The following CYTH3 variants were observed in gnomAD, a reference collection of about 807,000 sequenced individuals.
CYTH3 encodes the protein cytohesin-3.
In CYTH3, 23 loss-of-function variants were observed where a neutral mutation model predicts 55.1. The observed-to-expected ratio is 0.42, with a 90% CI of 0.30 to 0.59. The LOEUF is 0.59. Among genes scored for constraint, CYTH3 ranks in the 20% least tolerant of loss-of-function variants. The pLI is 0.20. For missense variants in CYTH3, 413 were observed against 524.8 expected (o/e 0.79, Z 2.08); for synonymous variants, 249 against 194.9 (o/e 1.28, Z -2.31).
intron 1 of CYTH3, among the ~76,000 whole-genome samples, chr7:6,271,585 AG>A (rs1780659240): frequency 6.6e-6 from 1 of 152,124 alleles, no homozygotes; most frequent in African/African-American, 2.4e-5. Flanking sequence ...CTCCATACAG[AG>A]GCACGTTCCT....
Position 6,186,638 on chromosome 7 carries a change from G to A in CYTH3, c.249+412C>T, listed in dbSNP as rs564333917. On this transcript the variant is annotated intron_variant, in intron 4 of 12. Transcript: ENST00000350796. ...TTAACCCACCCAGATTATAAAGTCC[G>A]TAACCTCTGGACACCAGGGTTCCAC... 3.2e-4 allele frequency among the ~76,000 whole-genome samples: 49 copies of A among 152,236 alleles called. 1 individual carries two copies. In the Middle Eastern group the frequency reaches 0.024, roughly 74 times the overall value.
chr7:6,236,248 G>A (rs1464603845), intron 1 of CYTH3, among the ~76,000 whole-genome samples: 1 of 151,984 alleles, frequency 6.6e-6, no homozygotes, highest in Non-Finnish European at 1.5e-5. Flanking sequence ...TTGTTGCCCA[G>A]GCTGGAGTAC....
intron 1 of CYTH3, among the ~76,000 whole-genome samples, chr7:6,216,585 C>A (rs930031573): frequency 1.3e-5 from 2 of 151,234 alleles, no homozygotes; most frequent in African/African-American, 4.9e-5. Flanking sequence ...CAAAAAAAAT[C>A]AAAAAATTAG....
At chr7:6,196,604 C>T (rs1346822291) in intron 1 of CYTH3, among the ~76,000 whole-genome samples, 2 of 151,932 alleles carry the variant, frequency 1.3e-5, no homozygotes, top group Non-Finnish European at 2.9e-5. Flanking sequence ...GGATTATAGG[C>T]ACGCACCACC....
intron 9 of CYTH3, among the ~76,000 whole-genome samples, chr7:6,168,291 ACG>A (rs1456404675): frequency 6.9e-6 from 1 of 144,356 alleles, no homozygotes; most frequent in Non-Finnish European, 1.5e-5. Flanking sequence ...ATCGTAAGCC[ACG>A]CCTGTGTACA....
chr7:6,252,173 T>C (rs563674620), intron 1 of CYTH3, among the ~76,000 whole-genome samples: 1 of 152,326 alleles, frequency 6.6e-6, no homozygotes, highest in African/African-American at 2.4e-5. Flanking sequence ...GGTAAATGCA[T>C]AAATTTGAGT....
Position 6,162,868 on chromosome 7 carries a change from C to T in CYTH3, c.*2076G>A, listed in dbSNP as rs1782877846. On this transcript the variant is annotated 3_prime_UTR_variant, in exon 13 of 13. Coordinates refer to ENST00000350796, the MANE Select transcript of CYTH3 (RefSeq NM_004227.4). ...AAGGAAACAGCTTGTCCGAGCACAA[C>T]ATGCTGACAGAGCTGGCTGTGGCCA... 1 of 152,708 alleles carries T rather than the reference C, an allele frequency of 6.5e-6. No homozygotes were observed. Among genetic ancestry groups the T allele is most frequent in the African/African-American group, 2.4e-5 (1 of 41,468 alleles). 9.5% of individuals were successfully genotyped at this position (152,708 alleles called of 1,614,324 possible). A position where few individuals can be genotyped will look rare whatever the true frequency, so the allele number is the denominator to read the frequency against.
chr7:6,230,133 T>C (rs891670288), intron 1 of CYTH3, among the ~76,000 whole-genome samples: 18 of 152,126 alleles, frequency 1.2e-4, no homozygotes, highest in African/African-American at 4.3e-4. Context: ...AGACTACATG[T>C]CAAAAATAAA....
chr7:6,267,802 G>C (rs559574507), intron 1 of CYTH3, among the ~76,000 whole-genome samples: 2 of 152,268 alleles, frequency 1.3e-5, no homozygotes, highest in South Asian at 2.1e-4. Flanking sequence ...GATTACAGGC[G>C]TGAGCCATTG....
At chr7:6,263,318 C>G (rs994079499) in intron 1 of CYTH3, among the ~76,000 whole-genome samples, 4 of 152,192 alleles carry the variant, frequency 2.6e-5, no homozygotes, top group Admixed American at 6.5e-5. Context: ...TGGGAAATCA[C>G]ACTACTCACA....
intron 5 of CYTH3, among the ~76,000 whole-genome samples, chr7:6,176,792 G>A (rs535770098): frequency 6.6e-6 from 1 of 152,140 alleles, no homozygotes; most frequent in African/African-American, 2.4e-5. Flanking sequence ...TCCTTGTCTC[G>A]TTCCTGATCT....
chr7:6,216,154 T>C (rs1784418949), intron 1 of CYTH3, among the ~76,000 whole-genome samples: 1 of 152,184 alleles, frequency 6.6e-6, no homozygotes, highest in South Asian at 2.1e-4. Flanking sequence ...AAACTTTCCT[T>C]CTCCTCTTGG....
chr7:6,166,360 C>CAG (rs1272450639), intron 9 of CYTH3, among the ~76,000 whole-genome samples: 1 of 152,238 alleles, frequency 6.6e-6, no homozygotes, highest in Non-Finnish European at 1.5e-5. Context: ...AAACACTGAG[C>CAG]AGAGACAAAC....
chr7:6,172,945 C>T lies in CYTH3; in HGVS notation c.449+708G>A, dbSNP rs537372578. On this transcript the variant is annotated intron_variant, in intron 6 of 12. Transcript: ENST00000350796. ...GCCATGAGCAAACAGTCCACGTAAACGAGAACAAGGTATGAAGCCGAAGAT... is the reference window on the plus strand; with the variant it reads ...GCCATGAGCAAACAGTCCACGTAAATGAGAACAAGGTATGAAGCCGAAGAT... 7 of 1,144,580 alleles carry T rather than the reference C, an allele frequency of 6.1e-6. No homozygotes were observed. The African/African-American group carries it at 6.6e-5, about 11-fold the overall frequency. 70.9% of individuals were successfully genotyped at this position (1,144,580 alleles called of 1,614,324 possible).
At chr7:6,271,167 A>G (rs939158845) in intron 1 of CYTH3, among the ~76,000 whole-genome samples, 2 of 151,894 alleles carry the variant, frequency 1.3e-5, no homozygotes, top group Non-Finnish European at 2.9e-5. Flanking sequence ...CCATCAACAC[A>G]CCCACTCGGT....
At chr7:6,198,445 A>G (rs1783988799) in intron 1 of CYTH3, among the ~76,000 whole-genome samples, 1 of 152,206 alleles carries the variant, frequency 6.6e-6, no homozygotes, top group African/African-American at 2.4e-5. Flanking sequence ...TACACAGACA[A>G]TTTCACACAT....
chr7:6,253,701 A>C (rs1277232010), intron 1 of CYTH3, among the ~76,000 whole-genome samples: 1 of 152,140 alleles, frequency 6.6e-6, no homozygotes, highest in Non-Finnish European at 1.5e-5. Flanking sequence ...CTGTAGTCCC[A>C]GCTACTGGGG....
chr7:6,186,978 C>A, intron 4 of CYTH3, 72 bp downstream of exon 4: 1 of 1,507,920 alleles, frequency 6.6e-7, no homozygotes, highest in South Asian at 1.1e-5. Flanking sequence ...GACCTCTGTC[C>A]AAAAGGGAAA....
At chr7:6,213,554 G>GGTTTT (rs1253673297) in intron 1 of CYTH3, among the ~76,000 whole-genome samples, 4 of 151,820 alleles carry the variant, frequency 2.6e-5, no homozygotes, top group Non-Finnish European at 5.9e-5. Context: ...TTGTTTGTTT[G>GGTTTT]GTTTTGTTTT....
Sources: allele counts gnomAD v4.1 joint callset (sites outside exome capture counted in the v4.1 genomes callset), GRCh38; gene constraint gnomAD v4.1.1; transcripts MANE v1.5; gene names NCBI Gene and HGNC (gene_info 2026-07-23, HGNC 2026-07-21).